The following CCSER1 variants were observed in gnomAD, a reference collection of about 807,000 sequenced individuals.
CCSER1 encodes serine-rich coiled-coil domain-containing protein 1.
In CCSER1, 41 loss-of-function variants were observed where a neutral mutation model predicts 82.0. The ratio of observed to expected loss-of-function variants is 0.50; its 90% CI spans 0.39 to 0.65. The LOEUF (loss-of-function observed/expected upper bound fraction) is 0.65, where lower values mean the gene tolerates loss of function less well. CCSER1 is among the 30% of genes least tolerant of loss of function. The pLI, the probability that CCSER1 is intolerant of heterozygous loss-of-function variation, is 0.00. For synonymous variants in CCSER1, 414 were observed against 383.9 expected (o/e 1.08, Z -0.92); for missense variants, 1,119 against 1,064.2 (o/e 1.05, Z -0.72).
chr4:90,540,719 C>G (rs1165805880), intron 5 of CCSER1, among the ~76,000 whole-genome samples: 1 of 151,990 alleles, frequency 6.6e-6, no homozygotes, highest in African/African-American at 2.4e-5. Context: ...CATGGACTTT[C>G]AGCCAGACCT....
chr4:91,117,708 T>A (rs1726744270), intron 10 of CCSER1, among the ~76,000 whole-genome samples: 1 of 152,018 alleles, frequency 6.6e-6, no homozygotes, highest in African/African-American at 2.4e-5. Flanking sequence ...GAAAAAAAAA[T>A]GATTAAGAGC....
At chr4:91,523,243 A>G (rs1760589821) in intron 10 of CCSER1, among the ~76,000 whole-genome samples, 1 of 152,314 alleles carries the variant, frequency 6.6e-6, no homozygotes, top group South Asian at 2.1e-4. Context: ...CATGGTGGAT[A>G]AGCTTTTTGA....
intron 4 of CCSER1, among the ~76,000 whole-genome samples, chr4:90,429,923 A>ATTTAAAAAT (rs1553909565): frequency 6.6e-6 from 1 of 151,840 alleles, no homozygotes; most frequent in Non-Finnish European, 1.5e-5. Flanking sequence ...ATTTTGTTTC[A>ATTTAAAAAT]TATTTCACAT....
intron 8 of CCSER1, among the ~76,000 whole-genome samples, chr4:90,882,763 A>AT (rs1173657055): frequency 6.6e-6 from 1 of 151,998 alleles, no homozygotes; most frequent in Non-Finnish European, 1.5e-5. Context: ...CTGAAAAAAA[A>AT]CAAAGCCAGG....
intron 8 of CCSER1, among the ~76,000 whole-genome samples, chr4:90,851,002 T>A (rs1763813430): frequency 6.6e-6 from 1 of 152,166 alleles, no homozygotes; most frequent in South Asian, 2.1e-4. Flanking sequence ...TGTGCTCTTC[T>A]CAGGTTGGTG....
intron 10 of CCSER1, among the ~76,000 whole-genome samples, chr4:91,293,800 A>G (rs972782373): frequency 6.6e-6 from 1 of 152,020 alleles, no homozygotes; most frequent in Admixed American, 6.6e-5. Context: ...GAGGCAAAAC[A>G]TTAAAAAGAA....
intron 5 of CCSER1, among the ~76,000 whole-genome samples, chr4:90,492,701 A>T (rs1416261444): frequency 1.3e-5 from 2 of 152,182 alleles, no homozygotes; most frequent in Non-Finnish European, 2.9e-5. Context: ...TGTGTCCCAG[A>T]GATTCTGATA....
Position 90,723,991 on chromosome 4 carries a change from G to A in CCSER1, c.2010G>A (p.Lys670=), listed in dbSNP as rs1311774535. Residue 670 remains lysine, a splice_region_variant and synonymous_variant, in exon 7 of 11, where the codon AAG becomes AAA. Transcript: ENST00000509176. ...TTACTGAAGAGCCAGTGCCTTTCAAGGTAAAAAACAAACAAGAAAGCATTA... is the reference window on the plus strand; with the variant it reads ...TTACTGAAGAGCCAGTGCCTTTCAAAGTAAAAAACAAACAAGAAAGCATTA... ...SPLTEEPVPF[K]DIMKDECSML... is the part of the protein sequence containing the mutation. The A allele has an allele frequency of 1.9e-6, 3 of 1,544,508 alleles. No individual in the cohort carries two copies. Among genetic ancestry groups the A allele is most frequent in the Admixed American group, 1.9e-5 (1 of 53,870 alleles).
intron 7 of CCSER1, among the ~76,000 whole-genome samples, chr4:90,753,222 G>A (rs1234007329): frequency 6.6e-6 from 1 of 152,114 alleles, no homozygotes; most frequent in Non-Finnish European, 1.5e-5. Context: ...AGGATCCTTT[G>A]TAGATTCCCC....
At chr4:91,188,737 C>T (rs1734771237) in intron 10 of CCSER1, among the ~76,000 whole-genome samples, 1 of 152,114 alleles carries the variant, frequency 6.6e-6, no homozygotes, top group African/African-American at 2.4e-5. Flanking sequence ...GATCTGACTA[C>T]TTGTATGCTT....
At chr4:90,193,369 C>G (rs1356930367) in intron 1 of CCSER1, among the ~76,000 whole-genome samples, 1 of 151,870 alleles carries the variant, frequency 6.6e-6, no homozygotes, top group East Asian at 1.9e-4. Flanking sequence ...ATTATAGTAC[C>G]CAGAAGATCA....
At chr4:90,878,096 A>G (rs926658470) in intron 8 of CCSER1, among the ~76,000 whole-genome samples, 3 of 152,096 alleles carry the variant, frequency 2.0e-5, no homozygotes, top group African/African-American at 7.2e-5. Context: ...ACAGTGATCC[A>G]TTGTGAAACT....
At chr4:91,306,086 T>TGC (rs145512715) in intron 10 of CCSER1, among the ~76,000 whole-genome samples, 1 of 151,708 alleles carries the variant, frequency 6.6e-6, no homozygotes, top group Non-Finnish European at 1.5e-5. Context: ...TGTGTGTGTG[T>TGC]GTGTGTGTGT....
At chr4:90,897,643 A>C (rs1206159427) in intron 8 of CCSER1, among the ~76,000 whole-genome samples, 1 of 152,006 alleles carries the variant, frequency 6.6e-6, no homozygotes, top group Non-Finnish European at 1.5e-5. Context: ...CCTTTGAGTA[A>C]ATACCCAGTA....
At chr4:91,097,705 G>T (rs985575959) in intron 10 of CCSER1, among the ~76,000 whole-genome samples, 1 of 152,068 alleles carries the variant, frequency 6.6e-6, no homozygotes, top group African/African-American at 2.4e-5. Context: ...AAATTTTTCA[G>T]TTGATGATAT....
chr4:91,522,669 CTGTT>C (rs1760547754), intron 10 of CCSER1, among the ~76,000 whole-genome samples: 1 of 152,092 alleles, frequency 6.6e-6, no homozygotes, highest in Non-Finnish European at 1.5e-5. Context: ...ATTTGGCTCT[CTGTT>C]TGTCTGTTAT....
chr4:90,278,780 C>T (rs1206382029), intron 1 of CCSER1, among the ~76,000 whole-genome samples: 1 of 151,988 alleles, frequency 6.6e-6, no homozygotes, highest in Non-Finnish European at 1.5e-5. Flanking sequence ...CAACATTACA[C>T]ATTATTTACC....
chr4:91,399,038 G>A (rs1281694091), intron 10 of CCSER1, among the ~76,000 whole-genome samples: 4 of 151,770 alleles, frequency 2.6e-5, no homozygotes, highest in Admixed American at 6.6e-5. Flanking sequence ...AAAAGAAATC[G>A]TGAGATGTGT....
intron 7 of CCSER1, among the ~76,000 whole-genome samples, chr4:90,803,482 A>G (rs1203513750): frequency 6.6e-6 from 1 of 151,898 alleles, no homozygotes; most frequent in Non-Finnish European, 1.5e-5. Context: ...TGTCCTTGTG[A>G]TAGTTTGCTG....
Sources: gnomAD v4.1 joint callset for allele counts (sites outside exome capture counted in the v4.1 genomes callset) on GRCh38, gnomAD v4.1.1 for gene constraint, MANE v1.5 for transcripts, NCBI Gene and HGNC (gene_info 2026-07-23, HGNC 2026-07-21) for gene names.